MKI67: variants seen among roughly 807,000 people sequenced by gnomAD.
MKI67 encodes the protein proliferation marker protein Ki-67.
In MKI67, 152 loss-of-function variants were observed where a neutral mutation model predicts 233.5. That is an observed-to-expected ratio of 0.65 (90% CI 0.57 to 0.74). MKI67 has a LOEUF of 0.74. MKI67 is among the 30% of genes least tolerant of loss of function. The pLI is 0.00. For synonymous variants in MKI67, 1,465 were observed against 1,418.5 expected (o/e 1.03, Z -0.74); for missense variants, 3,940 against 3,885.2 (o/e 1.01, Z -0.37).
Position 128,108,373 on chromosome 10 carries a change from A to G in MKI67, c.3467T>C (p.Val1156Ala), listed in dbSNP as rs1852576886. 1.2e-6 allele frequency: 2 copies of G among 1,613,858 alleles called. No homozygotes were observed. Among genetic ancestry groups the G allele is most frequent in the Non-Finnish European group, 1.7e-6 (2 of 1,179,980 alleles). The change falls in exon 13 of 15, where the codon GTA becomes GCA. Residue 1156 changes from valine (V) to alanine (A), a missense_variant. Val to Ala is a moderately conservative substitution (Grantham distance 64, BLOSUM62 0). Transcript: ENST00000368654. ...CCTGAGTGCTAAGAATTCTTCCTCT[A>G]CATCTGCTTTCCTGAGACTTCTCTT... ...WPKRSLRKAD[V>A]EEEFLALRKL...
In MKI67 at chr10:128,108,414, G is replaced by T. The variant is rs41314434; in HGVS notation, c.3426C>A (p.Ser1142Arg). 1 of 1,614,048 alleles carries T rather than the reference G, an allele frequency of 6.2e-7. No individual in the cohort carries two copies. The highest frequency in any genetic ancestry group is 1.1e-5 in the South Asian group (1 of 91,082). ...GACTTCTCTTAGGCCATTGCTTTGT[G>T]CTTGTTGGAGTGTCCACTGATTCTG... ...PPPESVDTPT[S>R]TKQWPKRSLR... The change falls in exon 13 of 15, where the codon AGC becomes AGA. Residue 1142 changes from serine (S) to arginine (R), a missense_variant. Physicochemically the swap from Ser to Arg is moderately radical, Grantham distance 110. Transcript: ENST00000368654.
intron 3 of MKI67, 34 bp from the exon 4 acceptor site, chr10:128,123,030 A>C (rs765086766): frequency 6.4e-7 from 1 of 1,573,978 alleles, no homozygotes; most frequent in Non-Finnish European, 8.7e-7. Context: ...TATGTAACTA[A>C]TGAACAGATT....
intron 7 of MKI67, 123 bp downstream of exon 7, chr10:128,114,805 T>G: frequency 1.0e-6 from 1 of 968,126 alleles, no homozygotes. Flanking sequence ...GTCTTATCCC[T>G]GTGCCTTATG....
chr10:128,101,722 C>A (rs775193047), intron 13 of MKI67, 21 bp from the exon 14 acceptor site: 4 of 1,541,908 alleles, frequency 2.6e-6, no homozygotes, highest in Admixed American at 2.2e-5. Context: ...GAGAAGACAT[C>A]CACAAAATTC....
rs1057220623 is a variant in MKI67, at chr10:128,106,086, G to A, written c.5754C>T (p.Asn1918=). 6 of 1,613,906 alleles carry A rather than the reference G, an allele frequency of 3.7e-6. No individual in the cohort carries two copies. The highest frequency in any genetic ancestry group is 3.3e-5 in the South Asian group (3 of 91,084). ...TCTCCACTGGAGTCCCCACAAATGTGTTGATGTCTTTCTCTTCACCTACTG... is the reference window on the plus strand; with the variant it reads ...TCTCCACTGGAGTCCCCACAAATGTATTGATGTCTTTCTCTTCACCTACTG... ...KAAVGEEKDI[N]TFVGTPVEKL... The change falls in exon 13 of 15, where the codon AAC becomes AAT. Residue 1918 remains asparagine (N), a synonymous_variant. Transcript: ENST00000368654.
intron 7 of MKI67, among the ~76,000 whole-genome samples, chr10:128,114,048 T>C (rs1002408789): frequency 6.6e-6 from 1 of 152,130 alleles, no homozygotes; most frequent in African/African-American, 2.4e-5. Flanking sequence ...CGGCCACACA[T>C]TTTCCTGAGC....
In MKI67 at chr10:128,106,682, G is replaced by A. The variant is rs1390178088; in HGVS notation, c.5158C>T (p.Pro1720Ser). Residue 1720 changes from proline (P) to serine (S), a missense_variant, in exon 13 of 15, where the codon CCA becomes TCA. Coordinates refer to ENST00000368654, the MANE Select transcript of MKI67 (RefSeq NM_002417.5). ...GTCATTGATTCCTTAGTGTGACTTGGTGTCTGGAAGAGCTCGATGAAGCCG... is the reference window on the plus strand; with the variant it reads ...GTCATTGATTCCTTAGTGTGACTTGATGTCTGGAAGAGCTCGATGAAGCCG... ...LAGFIELFQTPSHTKESMTNE... is the reference protein window; with the variant it reads ...LAGFIELFQTSSHTKESMTNE... 6.2e-7 allele frequency: 1 copy of A among 1,614,060 alleles called. No individual in the cohort carries two copies. The highest frequency in any genetic ancestry group is 1.3e-5 in the African/African-American group (1 of 74,918).
chr10:128,104,876 G>A lies in MKI67; in HGVS notation c.6964C>T (p.Leu2322Phe), dbSNP rs756704297. The change falls in exon 13 of 15, where the codon CTC becomes TTC. Residue 2322 changes from leucine (L) to phenylalanine (F), a missense_variant. Physicochemically the swap from Leu to Phe is conservative, Grantham distance 22. Coordinates refer to ENST00000368654, the MANE Select transcript of MKI67 (RefSeq NM_002417.5). ...ALEDLAGFKELFQTPGTDKPT... is the reference protein window; with the variant it reads ...ALEDLAGFKEFFQTPGTDKPT... The stretch of plus-strand genomic sequence containing the variant: ...TTGTCAGTGCCTGGTGTCTGGAAGA[G>A]CTCTTTGAAGCCAGCCAGGTCTTCT... 6.2e-6 allele frequency: 10 copies of A among 1,612,318 alleles called. No homozygotes were observed. In the South Asian group the frequency reaches 9.9e-5, roughly 16 times the overall value.
Position 128,107,366 on chromosome 10 carries a change from T to G in MKI67, c.4474A>C (p.Ile1492Leu). Residue 1492 changes from isoleucine (I) to leucine (L), a missense_variant, in exon 13 of 15, where the codon ATA becomes CTA. Coordinates refer to ENST00000368654, the MANE Select transcript of MKI67 (RefSeq NM_002417.5). ...GGGTCTGGTTGTGATCTGCAGGCTA[T>G]TTTGGTAGTTTTCTCGTGAGTCGTG... Reference protein sequence around the residue: ...KPTTHEKTTKIACRSQPDPVD... With the variant: ...KPTTHEKTTKLACRSQPDPVD... The G allele has an allele frequency of 6.2e-7, 1 of 1,613,146 alleles. No individual in the cohort carries two copies. Among genetic ancestry groups the G allele is most frequent in the Non-Finnish European group, 8.5e-7 (1 of 1,179,772 alleles).
At chr10:128,118,113 A>G (rs149331536) in intron 5 of MKI67, among the ~76,000 whole-genome samples, 1 of 152,262 alleles carries the variant, frequency 6.6e-6, no homozygotes. Context: ...AATGGCAGAA[A>G]TGGACTGGGC....
Position 128,105,632 on chromosome 10 carries a change from C to T in MKI67, c.6208G>A (p.Ala2070Thr), listed in dbSNP as rs1299788952. ...CCGGCCAGGTCTTCTAGTGATTGGG[C>T]CTCTTCCTTAGGTGTTCTTGGCCAC... is the stretch of plus-strand genomic sequence containing the variant. ...ERWPRTPKEEAQSLEDLAGFK... is the reference protein window; with the variant it reads ...ERWPRTPKEETQSLEDLAGFK... Residue 2070 changes from alanine to threonine, a missense_variant, in exon 13 of 15, where the codon GCC becomes ACC. By Grantham distance (58) the Ala-to-Thr change is moderately conservative. Transcript: ENST00000368654. The T allele has an allele frequency of 6.2e-7, 1 of 1,613,500 alleles. No individual in the cohort carries two copies. Among genetic ancestry groups the T allele is most frequent in the Admixed American group, 1.7e-5 (1 of 59,912 alleles).
At chr10:128,111,212 C>T (rs865920941) in intron 11 of MKI67, among the ~76,000 whole-genome samples, 75 of 152,190 alleles carry the variant, frequency 4.9e-4, no homozygotes, top group African/African-American at 1.8e-3. Context: ...GGAATCTTCT[C>T]ATAGGGCTTT....
Position 128,108,519 on chromosome 10 carries a change from C to G in MKI67, c.3321G>C (p.Glu1107Asp), listed in dbSNP as rs147837054. The change falls in exon 13 of 15, where the codon GAG (glutamate) becomes GAC (aspartate). Residue 1107 changes from glutamate (E) to aspartate (D), a missense_variant. Glu to Asp is a conservative substitution (Grantham distance 45, BLOSUM62 2). Coordinates refer to ENST00000368654, the MANE Select transcript of MKI67 (RefSeq NM_002417.5). ...CAGAGGGACCTGGTGTCTGGAAGAGCTCTTTGAAGCCAGCCAGGTCTTCTA... is the reference window on the plus strand; with the variant it reads ...CAGAGGGACCTGGTGTCTGGAAGAGGTCTTTGAAGCCAGCCAGGTCTTCTA... ...QSLEDLAGFKELFQTPGPSEE... is the reference protein window; with the variant it reads ...QSLEDLAGFKDLFQTPGPSEE... 3.8e-5 allele frequency: 61 copies of G among 1,614,098 alleles called. No homozygotes were observed. The African/African-American group carries it at 7.7e-4, about 20-fold the overall frequency.
At chr10:128,116,109 G>A in intron 6 of MKI67, 102 bp from the exon 7 acceptor site, 1 of 1,372,048 alleles carries the variant, frequency 7.3e-7, no homozygotes, top group Admixed American at 2.5e-5. Flanking sequence ...TGTCTTATAA[G>A]CTAGCTTTTA....
Position 128,105,625 on chromosome 10 carries a change from G to A in MKI67, c.6215C>T (p.Ser2072Leu). 6.2e-7 allele frequency: 1 copy of A among 1,613,920 alleles called. No individual in the cohort carries two copies. The highest frequency in any genetic ancestry group is 1.1e-5 in the South Asian group (1 of 91,066). ...WPRTPKEEAQSLEDLAGFKEL... is the reference protein window; with the variant it reads ...WPRTPKEEAQLLEDLAGFKEL... ...TTTGAAGCCGGCCAGGTCTTCTAGTGATTGGGCCTCTTCCTTAGGTGTTCT... is the reference window on the plus strand; with the variant it reads ...TTTGAAGCCGGCCAGGTCTTCTAGTAATTGGGCCTCTTCCTTAGGTGTTCT... The change falls in exon 13 of 15, where the codon TCA becomes TTA. Residue 2072 changes from serine (S) to leucine (L), a missense_variant. Physicochemically the swap from Ser to Leu is moderately radical, Grantham distance 145. Coordinates refer to ENST00000368654, the MANE Select transcript of MKI67 (RefSeq NM_002417.5).
In MKI67 at chr10:128,109,181, G is replaced by A. The variant is rs1387493462; in HGVS notation, c.2659C>T (p.Leu887=). 6 of 1,614,134 alleles carry A rather than the reference G, an allele frequency of 3.7e-6. No homozygotes were observed. Among genetic ancestry groups the A allele is most frequent in the Non-Finnish European group, 5.1e-6 (6 of 1,180,032 alleles). The change falls in exon 13 of 15, where the codon CTA becomes TTA. Residue 887 remains leucine (L), a synonymous_variant. Transcript: ENST00000368654. ...RSTEFRNIQK[L]PVESKSEETN... is the part of the protein sequence containing the mutation. ...TCTTCACTCTTACTTTCCACAGGTA[G>A]CTTCTGTATATTCCTGAACTCTGTA...
In MKI67 at chr10:128,104,309, T is replaced by C. The variant is rs570706082; in HGVS notation, c.7531A>G (p.Thr2511Ala). ...CTATCTCCTGTTGGCTCTGTGTGTGTTTGCGTAGTCTCCCCTGATGTCCGT... is the reference window on the plus strand; with the variant it reads ...CTATCTCCTGTTGGCTCTGTGTGTGCTTGCGTAGTCTCCCCTGATGTCCGT... ...LTRTSGETTQ[T>A]HTEPTGDSKS... is the part of the protein sequence containing the mutation. The change falls in exon 13 of 15, where the codon ACA becomes GCA. Residue 2511 changes from threonine (T) to alanine (A), a missense_variant. Physicochemically the swap from Thr to Ala is moderately conservative, Grantham distance 58 (BLOSUM62 0). Transcript: ENST00000368654. 6.2e-7 allele frequency: 1 copy of C among 1,614,212 alleles called. No individual in the cohort carries two copies. The highest frequency in any genetic ancestry group is 1.1e-5 in the South Asian group (1 of 91,088).
chr10:128,109,449 A>T (rs571036469), intron 12 of MKI67, 26 bp from the exon 13 acceptor site: 1 of 1,588,912 alleles, frequency 6.3e-7, no homozygotes, highest in Admixed American at 1.8e-5. Flanking sequence ...ACACAATAAA[A>T]ACATTCTATT....
In MKI67 at chr10:128,108,477, A is replaced by G; in HGVS notation, c.3363T>C (p.Asp1121=). 1 of 1,613,558 alleles carries G rather than the reference A, an allele frequency of 6.2e-7. No individual in the cohort carries two copies. The highest frequency in any genetic ancestry group is 8.5e-7 in the Non-Finnish European group (1 of 1,179,912). Residue 1121 remains aspartate, a synonymous_variant, in exon 13 of 15, where the codon GAT becomes GAC. Transcript: ENST00000368654. ...TPGPSEESMT[D]EKTTKIACKS... is the part of the protein sequence containing the mutation. ...TGCAGGCTATTTTGGTAGTTTTCTCATCAGTCATTGATTCCTCAGAGGGAC... is the reference window on the plus strand; with the variant it reads ...TGCAGGCTATTTTGGTAGTTTTCTCGTCAGTCATTGATTCCTCAGAGGGAC...
Sources: gnomAD v4.1 joint callset for allele counts (sites outside exome capture counted in the v4.1 genomes callset) on GRCh38, gnomAD v4.1.1 for gene constraint, MANE v1.5 for transcripts, NCBI Gene and HGNC (gene_info 2026-07-23, HGNC 2026-07-21) for gene names.